SLC3A1: variants seen among roughly 807,000 people sequenced by gnomAD.
SLC3A1 encodes the protein amino acid transporter heavy chain SLC3A1.
A neutral mutation model predicts 60.3 loss-of-function variants in SLC3A1; 78 were observed. The observed-to-expected ratio is 1.29, with a 90% CI of 1.08 to 1.56. The LOEUF is 1.56. Among genes scored for constraint, SLC3A1 ranks in the 40% most tolerant of loss-of-function variants. The pLI is 0.00. For synonymous variants in SLC3A1, 392 were observed against 307.9 expected, an observed-to-expected ratio of 1.27 and a Z score of -2.86; for missense variants, 1,172 against 858.9, an observed-to-expected ratio of 1.36 and a Z score of -4.56.
intron 4 of SLC3A1, among the ~76,000 whole-genome samples, chr2:44,292,992 C>T (rs1351737937): frequency 2.6e-5 from 4 of 151,920 alleles, no homozygotes; most frequent in Middle Eastern, 3.4e-3. Flanking sequence ...GTGCAGTAAT[C>T]GGGAAAGAAA....
rs567478582 is a variant in SLC3A1 at position 44,301,085 on chromosome 2, G to T, written c.1094G>T (p.Arg365Leu). 3.7e-6 allele frequency: 6 copies of T among 1,613,938 alleles called. No homozygotes were observed. Among genetic ancestry groups the T allele is most frequent in the Admixed American group, 1.7e-5 (1 of 59,990 alleles). The part of the protein sequence containing the change: ...VGMHDIVRSF[R>L]QTMDQYSTEP... ...ATGCACGACATTGTCCGCAGCTTCCGGCAGACCATGGACCAATACAGCACG... is the reference window on the plus strand; with the variant it reads ...ATGCACGACATTGTCCGCAGCTTCCTGCAGACCATGGACCAATACAGCACG... Residue 365 changes from arginine (R) to leucine (L), a missense_variant, in exon 6 of 10, where the codon CGG becomes CTG. Physicochemically the swap from Arg to Leu is moderately radical, Grantham distance 102. Coordinates refer to ENST00000260649, the MANE Select transcript of SLC3A1 (RefSeq NM_000341.4).
chr2:44,278,573 C>T (rs560874385), intron 1 of SLC3A1, among the ~76,000 whole-genome samples: 2 of 152,262 alleles, frequency 1.3e-5, no homozygotes, highest in South Asian at 4.1e-4. Context: ...CTTCAGCCTG[C>T]GGTGTGGCCT....
Position 44,312,613 on chromosome 2 carries a change from A to G in SLC3A1, c.1360A>G (p.Thr454Ala). Reference protein sequence around the residue: ...MIGGPDSSRLTSRLGNQYVNV... With the variant: ...MIGGPDSSRLASRLGNQYVNV... ...TGGTGGACCAGACAGTTCACGGCTGACTTCGCGTTTGGGGAATCAGTATGT... is the reference window on the plus strand; with the variant it reads ...TGGTGGACCAGACAGTTCACGGCTGGCTTCGCGTTTGGGGAATCAGTATGT... The change falls in exon 8 of 10, where the codon ACT becomes GCT. Residue 454 changes from threonine to alanine, a missense_variant. Coordinates refer to ENST00000260649, the MANE Select transcript of SLC3A1 (RefSeq NM_000341.4). 3 of 1,613,972 alleles carry G rather than the reference A, an allele frequency of 1.9e-6. No individual in the cohort carries two copies. Among genetic ancestry groups the G allele is most frequent in the Admixed American group, 3.3e-5 (2 of 60,016 alleles).
intron 3 of SLC3A1, 21 bp from the exon 4 acceptor site, chr2:44,286,011 G>A (rs1485280562): frequency 1.2e-6 from 2 of 1,613,860 alleles, no homozygotes; most frequent in Non-Finnish European, 1.7e-6. Context: ...TCACTGATGT[G>A]CTGTTTTCTT....
At chr2:44,299,917 G>A (rs769030341) in intron 4 of SLC3A1, 54 bp from the exon 5 acceptor site, 3 of 1,595,158 alleles carry the variant, frequency 1.9e-6, no homozygotes, top group Non-Finnish European at 2.6e-6. Context: ...TTGATTAAAC[G>A]TTGTGATAAT....
At chr2:44,285,868 G>C in intron 3 of SLC3A1, 164 bp from the exon 4 acceptor site, 1 of 846,432 alleles carries the variant, frequency 1.2e-6, no homozygotes, top group Admixed American at 1.8e-5. Flanking sequence ...GGCCAATGGG[G>C]TGGGGGGTAT....
At chr2:44,322,351 G>A (rs570398098), downstream of SLC3A1, among the ~76,000 whole-genome samples, 1 of 152,220 alleles carries the variant, frequency 6.6e-6, no homozygotes, top group Non-Finnish European at 1.5e-5. Flanking sequence ...TAAACAGTTT[G>A]GGCACTGATG....
chr2:44,316,443 T>C (rs1250036806), intron 9 of SLC3A1: 2 of 151,600 alleles, frequency 1.3e-5, no homozygotes, highest in African/African-American at 4.9e-5. Context: ...GTCCAGAACG[T>C]ACTGAAAAAG....
At chr2:44,317,896 C>A in intron 9 of SLC3A1, 1 of 221,836 alleles carries the variant, frequency 4.5e-6, no homozygotes, top group Non-Finnish European at 9.3e-6. Flanking sequence ...ACTCAGATAA[C>A]AAAAACAGAC....
Position 44,320,481 on chromosome 2 carries a change from G to T in SLC3A1, c.1900G>T (p.Asp634Tyr). 6.2e-7 allele frequency: 1 copy of T among 1,614,140 alleles called. No homozygotes were observed. The highest frequency in any genetic ancestry group is 8.5e-7 in the Non-Finnish European group (1 of 1,179,986). The change falls in exon 10 of 10, where the codon GAT becomes TAT. Residue 634 changes from aspartate to tyrosine, a missense_variant. By Grantham distance (160) the Asp-to-Tyr change is radical. Coordinates refer to ENST00000260649, the MANE Select transcript of SLC3A1 (RefSeq NM_000341.4). Reference sequence around the variant, plus strand: ...TTCTGCCGACAAAGGCAGTAAAGTTGATACAAGTGGCATTTTTCTGGACAA... The same window carrying T: ...TTCTGCCGACAAAGGCAGTAAAGTTTATACAAGTGGCATTTTTCTGGACAA... ...TNSADKGSKV[D>Y]TSGIFLDKGE...
chr2:44,309,962 G>A (rs1261908265), intron 7 of SLC3A1, among the ~76,000 whole-genome samples: 1 of 151,930 alleles, frequency 6.6e-6, no homozygotes, highest in Non-Finnish European at 1.5e-5. Context: ...TGTGAACATG[G>A]CTCACTGCAG....
chr2:44,301,038 C>A lies in SLC3A1; in HGVS notation c.1047C>A (p.Asp349Glu). 1.2e-6 allele frequency: 2 copies of A among 1,614,202 alleles called. No individual in the cohort carries two copies. Among genetic ancestry groups the A allele is most frequent in the Non-Finnish European group, 8.5e-7 (1 of 1,180,028 alleles). Reference protein sequence around the residue: ...TVTQYSELYHDFTTTQVGMHD... With the variant: ...TVTQYSELYHEFTTTQVGMHD... ...CACAATACTCGGAGCTGTACCATGACTTCACCACCACGCAGGTGGGAATGC... is the reference window on the plus strand; with the variant it reads ...CACAATACTCGGAGCTGTACCATGAATTCACCACCACGCAGGTGGGAATGC... Residue 349 changes from aspartate to glutamate, a missense_variant, in exon 6 of 10, where the codon GAC becomes GAA. Physicochemically the swap from Asp to Glu is conservative, Grantham distance 45. Coordinates refer to ENST00000260649, the MANE Select transcript of SLC3A1 (RefSeq NM_000341.4).
At chr2:44,318,733 G>A (rs1672659638) in intron 9 of SLC3A1, 1 of 152,086 alleles carries the variant, frequency 6.6e-6, no homozygotes, top group Non-Finnish European at 1.5e-5. Context: ...ATGTATTCTT[G>A]TAATTGAATA....
chr2:44,304,806 GAAAAC>G (rs1190408905), intron 7 of SLC3A1, among the ~76,000 whole-genome samples: 1 of 133,794 alleles, frequency 7.5e-6, no homozygotes, highest in African/African-American at 2.7e-5. Context: ...CTACACTCTT[GAAAAC>G]AATTTTTTTT....
At chr2:44,311,906 G>A (rs1175949462) in intron 7 of SLC3A1, among the ~76,000 whole-genome samples, 3 of 152,102 alleles carry the variant, frequency 2.0e-5, no homozygotes, top group East Asian at 3.8e-4. Context: ...GTGTGAAGGA[G>A]GGAAATATAG....
At chr2:44,297,942 C>T (rs1057161823) in intron 4 of SLC3A1, among the ~76,000 whole-genome samples, 1 of 152,168 alleles carries the variant, frequency 6.6e-6, no homozygotes, top group African/African-American at 2.4e-5. Flanking sequence ...CATGTGTCAG[C>T]ACATTGTTCC....
At position 44,275,924 on chromosome 2, in the gene SLC3A1, C is replaced by T; in HGVS notation, c.389C>T (p.Ser130Phe). 6.2e-7 allele frequency: 1 copy of T among 1,614,218 alleles called. No homozygotes were observed. Among genetic ancestry groups the T allele is most frequent in the East Asian group, 2.2e-5 (1 of 44,890 alleles). Residue 130 changes from serine (S) to phenylalanine (F), a missense_variant, in exon 1 of 10, where the codon TCT (serine) becomes TTT (phenylalanine). Coordinates refer to ENST00000260649, the MANE Select transcript of SLC3A1 (RefSeq NM_000341.4). ...CCCATGTACCAGATCTACCCAAGGT[C>T]TTTCAAGGACAGTAACAAGGATGGG... ...EGPMYQIYPR[S>F]FKDSNKDGNG...
chr2:44,306,056 C>T (rs1672148094), intron 7 of SLC3A1, among the ~76,000 whole-genome samples: 1 of 152,184 alleles, frequency 6.6e-6, no homozygotes, highest in South Asian at 2.1e-4. Context: ...CACGGAGGTG[C>T]TCAGGCTCAG....
At chr2:44,316,017 GCTTATCAC>G (rs1206205945) in intron 9 of SLC3A1, among the ~76,000 whole-genome samples, 1 of 152,168 alleles carries the variant, frequency 6.6e-6, no homozygotes, top group African/African-American at 2.4e-5. Context: ...AATCTAGAAA[GCTTATCAC>G]CTTCAAGTAG....
Sources: allele counts gnomAD v4.1 joint callset (sites outside exome capture counted in the v4.1 genomes callset), GRCh38; gene constraint gnomAD v4.1.1; transcripts MANE v1.5; gene names NCBI Gene and HGNC (gene_info 2026-07-23, HGNC 2026-07-21).